ATP11A: variants seen among roughly 807,000 people sequenced by gnomAD.
The protein encoded by ATP11A is phospholipid-transporting ATPase IH.
In ATP11A, 81 loss-of-function variants were observed where a neutral mutation model predicts 154.4. The ratio of observed to expected loss-of-function variants is 0.52; its 90% confidence interval spans 0.44 to 0.63. ATP11A has a LOEUF of 0.63. Among genes scored for constraint, ATP11A ranks in the 30% least tolerant of loss-of-function variants. The probability of loss-of-function intolerance (pLI) is 0.00; values close to 1 mark genes in which losing one functional copy is unlikely to be tolerated. For synonymous variants in ATP11A, 623 were observed against 585.9 expected (o/e 1.06, Z -0.91); for missense variants, 1,316 against 1,474.3 (o/e 0.89, Z 1.76).
rs1446097116 is a variant in ATP11A at position 112,885,891 on chromosome 13, G to C, written c.*4025G>C. ...AGCAGGCCCCGGGGGTGAAGTCGCA[G>C]CTTCACTTACACCAGCTGCTCTGTG... On this transcript the variant is annotated 3_prime_UTR_variant, in exon 30 of 30. Transcript: ENST00000375645. The C allele has an allele frequency of 6.6e-6, 1 of 152,308 alleles. No homozygotes were observed. Among genetic ancestry groups the C allele is most frequent in the Non-Finnish European group, 1.5e-5 (1 of 68,070 alleles). The allele number at this position is 152,308 out of a possible 1,614,324, so 9.4% of individuals were successfully genotyped here. A position where few individuals can be genotyped will look rare whatever the true frequency, so the allele number is the denominator to read the frequency against.
chr13:112,716,643 ACT>A (rs1288961079), intron 1 of ATP11A, among the ~76,000 whole-genome samples: 2 of 151,838 alleles, frequency 1.3e-5, no homozygotes, highest in Non-Finnish European at 2.9e-5. Context: ...CCAGGTCCTG[ACT>A]CTCACCCATG....
At chr13:112,819,265 C>G in intron 6 of ATP11A, 39 bp from the exon 7 acceptor site, 1 of 1,581,758 alleles carries the variant, frequency 6.3e-7, no homozygotes, top group South Asian at 1.1e-5. Context: ...TTGTGTTGAC[C>G]GTTTTGGCGG....
At position 112,842,289 on chromosome 13, in the gene ATP11A, G is replaced by A. The variant is rs2079444092; in HGVS notation, c.1719G>A (p.Leu573=). 1 of 1,609,990 alleles carries A rather than the reference G, an allele frequency of 6.2e-7. No homozygotes were observed. Among genetic ancestry groups the A allele is most frequent in the Non-Finnish European group, 8.5e-7 (1 of 1,177,788 alleles). Residue 573 remains leucine, a synonymous_variant, in exon 17 of 30, where the codon CTG becomes CTA. Transcript: ENST00000375645. ...IVKSATGEIY[L]FCKGADSSIF... ...CTCATTTTGTAGGAGAAATTTATCT[G>A]TTTTGCAAAGGAGCAGATTCTTCGA...
intron 12 of ATP11A, among the ~76,000 whole-genome samples, chr13:112,827,659 G>A (rs2078967971): frequency 1.3e-5 from 2 of 152,256 alleles, no homozygotes; most frequent in Admixed American, 1.3e-4. Flanking sequence ...ACGGTAATTG[G>A]ATTTTTCGGA....
intron 2 of ATP11A, among the ~76,000 whole-genome samples, chr13:112,798,939 A>G (rs1045804518): frequency 6.6e-6 from 1 of 152,248 alleles, no homozygotes; most frequent in Non-Finnish European, 1.5e-5. Flanking sequence ...CTTTAAATAT[A>G]AAAACACGGG....
rs1467893100 is a variant in ATP11A at position 112,746,818 on chromosome 13, T to C, written c.40-38317T>C. On this transcript the variant is annotated intron_variant, in intron 1 of 29. Coordinates refer to ENST00000375645, the MANE Select transcript of ATP11A (RefSeq NM_015205.3). The surrounding 1 kb of genome is among the most constrained non-coding windows in gnomAD (Gnocchi z 4.1). ...AGTGATCCTCCTACGTTGACCTCCC[T>C]AAGTGCTGGGATTACAGCTGTGAGC... 6.6e-6 allele frequency: 1 copy of C among 151,990 alleles called. No individual in the cohort carries two copies. Among genetic ancestry groups the C allele is most frequent in the Non-Finnish European group, 1.5e-5 (1 of 67,990 alleles). The allele number at this position is 151,990 out of a possible 1,614,324, so 9.4% of individuals were successfully genotyped here. A position where few individuals can be genotyped will look rare whatever the true frequency, so the allele number is the denominator to read the frequency against.
At chr13:112,825,404 T>C (rs2078906890) in intron 10 of ATP11A, 26 bp from the exon 11 acceptor site, 2 of 1,583,130 alleles carry the variant, frequency 1.3e-6, no homozygotes, top group African/African-American at 1.4e-5. Flanking sequence ...CAGGGACCAG[T>C]GATCACCTCT....
chr13:112,744,311 T>C (rs1331580338), intron 1 of ATP11A, among the ~76,000 whole-genome samples: 2 of 150,894 alleles, frequency 1.3e-5, no homozygotes, highest in Admixed American at 1.3e-4. Flanking sequence ...GAGTATGGTG[T>C]TCTGTATATT....
At chr13:112,828,991 G>A (rs934501173) in intron 12 of ATP11A, among the ~76,000 whole-genome samples, 5 of 152,202 alleles carry the variant, frequency 3.3e-5, no homozygotes, top group Non-Finnish European at 7.3e-5. Flanking sequence ...GAAGCACTTC[G>A]TGCACCTTCT....
At chr13:112,693,624 T>A (rs1336826938) in intron 1 of ATP11A, among the ~76,000 whole-genome samples, 2 of 152,026 alleles carry the variant, frequency 1.3e-5, no homozygotes, top group African/African-American at 4.8e-5. Flanking sequence ...GCATGTGCCA[T>A]GAGGTAGTTT....
chr13:112,874,415 C>T (rs1158246323), intron 27 of ATP11A, among the ~76,000 whole-genome samples: 1 of 152,198 alleles, frequency 6.6e-6, no homozygotes, highest in East Asian at 1.9e-4. Context: ...CCCACGGTGG[C>T]TGCGTGTTGA....
chr13:112,768,526 T>C (rs1330144910), intron 1 of ATP11A, among the ~76,000 whole-genome samples: 3 of 152,238 alleles, frequency 2.0e-5, no homozygotes, highest in Non-Finnish European at 4.4e-5. Flanking sequence ...GCAGTTGTCT[T>C]CATTAGATAT....
rs542621940 is a variant in ATP11A at position 112,788,531 on chromosome 13, T to C, written c.162+3274T>C. ...TGGATACCTACTTAATTCACACCGG[T>C]GTCCTGATGCGTAGACTCCTGTGGA... is the stretch of plus-strand genomic sequence containing the variant. On this transcript the variant is annotated intron_variant, in intron 2 of 29. Transcript: ENST00000375645. Among the ~76,000 whole-genome samples, 74 of 148,418 alleles carry C rather than the reference T, an allele frequency of 5.0e-4. 1 individual carries two copies. The highest frequency in any genetic ancestry group is 1.8e-3 in the African/African-American group (73 of 39,608).
chr13:112,761,688 T>G (rs1315505444), intron 1 of ATP11A, among the ~76,000 whole-genome samples: 1 of 150,044 alleles, frequency 6.7e-6, no homozygotes, highest in Non-Finnish European at 1.5e-5. Context: ...GCACATAGGT[T>G]TGGGTACTAT....
chr13:112,880,462 C>G (rs975944443), intron 29 of ATP11A: 1 of 1,135,528 alleles, frequency 8.8e-7, no homozygotes, highest in Admixed American at 2.9e-5. Context: ...TGCTGGGGTC[C>G]CACGGATGGT....
intron 2 of ATP11A, among the ~76,000 whole-genome samples, chr13:112,789,871 G>C (rs1394778231): frequency 6.9e-6 from 1 of 145,198 alleles, no homozygotes; most frequent in Non-Finnish European, 1.5e-5. Context: ...AATTCACACC[G>C]GTGTCCTGAT....
intron 29 of ATP11A, chr13:112,880,686 T>C: frequency 7.9e-7 from 1 of 1,262,154 alleles, no homozygotes; most frequent in Non-Finnish European, 1.0e-6. Flanking sequence ...CCGTGTGCTG[T>C]GACTGTCAGA....
chr13:112,714,901 C>T lies in ATP11A; in HGVS notation c.39+24446C>T, dbSNP rs1594386273. Among the ~76,000 whole-genome samples, 4 of 152,316 alleles carry T rather than the reference C, an allele frequency of 2.6e-5. No homozygotes were observed. In the South Asian group the frequency reaches 8.3e-4, roughly 32 times the overall value. ...CCCCCCCGCAGAACTTCCGCTTCTT[C>T]CCAAACTGAAACTCCGTCCCGCTTA... On this transcript the variant is annotated intron_variant, in intron 1 of 29. Transcript: ENST00000375645.
rs552265159 is a variant in ATP11A, at chr13:112,865,034, A to G, written c.2991+2459A>G. Reference sequence around the variant, plus strand: ...AGTGGGGACCATCACCACGTGCGCAATAATTCAGCGTAGCACGTGCAGCTT... The same window carrying G: ...AGTGGGGACCATCACCACGTGCGCAGTAATTCAGCGTAGCACGTGCAGCTT... On this transcript the variant is annotated intron_variant, in intron 25 of 29. Coordinates refer to ENST00000375645, the MANE Select transcript of ATP11A (RefSeq NM_015205.3). Among the ~76,000 whole-genome samples, 130 of 128,262 alleles carry G rather than the reference A, an allele frequency of 1.0e-3. 1 individual carries two copies. The highest frequency in any genetic ancestry group is 3.1e-3 in the African/African-American group (104 of 33,124). The allele number at this position is 128,262 out of a possible 152,430, so 84.1% of individuals were successfully genotyped here.
Sources: gnomAD v4.1 joint callset for allele counts (sites outside exome capture counted in the v4.1 genomes callset) on GRCh38, gnomAD v4.1.1 for gene constraint, Gnocchi (gnomAD v3.1) non-coding constraint, MANE v1.5 for transcripts, NCBI Gene and HGNC (gene_info 2026-07-23, HGNC 2026-07-21) for gene names.